Variants in DSC3 observed in about 807,000 individuals in gnomAD.
DSC3 encodes the protein desmocollin 3.
In DSC3, 97 loss-of-function variants were observed where a neutral mutation model predicts 89.5. That is an observed-to-expected ratio of 1.08 (90% CI 0.92 to 1.28). The LOEUF is 1.28. DSC3 is among the 50% of genes most tolerant of loss of function. DSC3 has a pLI of 0.00. For missense variants in DSC3, 1,199 were observed against 1,085.3 expected, an observed-to-expected ratio of 1.10 and a Z score of -1.47; for synonymous variants, 436 against 384.1, an observed-to-expected ratio of 1.14 and a Z score of -1.58.
intron 13 of DSC3, among the ~76,000 whole-genome samples, chr18:31,002,139 C>T (rs1984684766): frequency 2.6e-5 from 4 of 152,152 alleles, no homozygotes; most frequent in African/African-American, 7.2e-5. Context: ...GAAAAACAGA[C>T]TGCTTTCCTA....
intron 1 of DSC3, among the ~76,000 whole-genome samples, chr18:31,038,023 G>C (rs149578409): frequency 1.3e-5 from 2 of 152,086 alleles, no homozygotes; most frequent in Non-Finnish European, 2.9e-5. Flanking sequence ...TTTCTCTGTT[G>C]ATACTATGTT....
intron 7 of DSC3, among the ~76,000 whole-genome samples, chr18:31,020,341 TA>T (rs1227633232): frequency 1.3e-5 from 2 of 152,014 alleles, no homozygotes; most frequent in East Asian, 3.9e-4. Flanking sequence ...CAAAGGACAC[TA>T]AAAAGGAAAG....
chr18:31,024,567 C>T (rs1217169942), intron 5 of DSC3, 74 bp from the exon 6 acceptor site: 1 of 1,498,910 alleles, frequency 6.7e-7, no homozygotes, highest in South Asian at 1.2e-5. Context: ...TTATCTACTA[C>T]CTGCCTTGCA....
chr18:30,992,187 GGGC>G lies in DSC3; in HGVS notation c.*1985_*1987del, dbSNP rs1984285325. 2.7e-5 allele frequency: 3 copies of G among 112,816 alleles called. No homozygotes were observed. Among genetic ancestry groups the G allele is most frequent in the Admixed American group, 8.8e-5 (1 of 11,324 alleles). 7.0% of individuals were successfully genotyped at this position (112,816 alleles called of 1,614,324 possible). The stretch of plus-strand genomic sequence containing the variant: ...TCTCAAAAAAAAAAGGGGGGGGGGG[GGGC>G]AATAAAAAGTCTAAGTCTAAAACAC... On this transcript the variant is annotated 3_prime_UTR_variant, in exon 16 of 16. Coordinates refer to ENST00000360428, the MANE Select transcript of DSC3 (RefSeq NM_001941.5).
chr18:31,008,524 G>A lies in DSC3; in HGVS notation c.1265C>T (p.Pro422Leu). The A allele has an allele frequency of 6.2e-7, 1 of 1,613,876 alleles. No individual in the cohort carries two copies. The highest frequency in any genetic ancestry group is 2.2e-5 in the East Asian group (1 of 44,856). The change falls in exon 10 of 16, where the codon CCA becomes CTA. Residue 422 changes from proline (P) to leucine (L), a missense_variant and splice_region_variant. Transcript: ENST00000360428. ...TTGACGGTTTTCTTCATAATTCAGT[G>A]GCTTTAAAATAAAGTCCATGTATAT... The part of the protein sequence containing the change: ...TNEGVLSVVK[P>L]LNYEENRQVN...
At position 30,997,004 on chromosome 18, in the gene DSC3, G is replaced by A. The variant is rs1478998182; in HGVS notation, c.2280C>T (p.Ser760=). The A allele has an allele frequency of 4.3e-6, 7 of 1,614,112 alleles. No individual in the cohort carries two copies. The highest frequency in any genetic ancestry group is 5.9e-6 in the Non-Finnish European group (7 of 1,180,010). Residue 760 remains serine (S), a synonymous_variant, in exon 15 of 16, where the codon AGC becomes AGT. Coordinates refer to ENST00000360428, the MANE Select transcript of DSC3 (RefSeq NM_001941.5). The part of the protein sequence containing the change: ...GFMTQTTNNS[S]QGFCGTMGSG... ...ATCCCATAGTACCACAAAAACCTTG[G>A]CTAGAGTTGTTGGTAGTTTGGGTCA...
intron 9 of DSC3, among the ~76,000 whole-genome samples, chr18:31,015,421 C>T (rs1030963099): frequency 1.7e-4 from 26 of 151,998 alleles, no homozygotes; most frequent in Admixed American, 9.2e-4. Context: ...GGTCAGAACT[C>T]CTTGGACAAA....
chr18:31,002,056 A>G (rs562410268), intron 13 of DSC3, among the ~76,000 whole-genome samples: 1 of 152,312 alleles, frequency 6.6e-6, no homozygotes, highest in East Asian at 1.9e-4. Context: ...ACTTTGAAAA[A>G]ATTTACTGAT....
At chr18:31,001,330 T>C (rs1485897332) in intron 14 of DSC3, among the ~76,000 whole-genome samples, 1 of 151,672 alleles carries the variant, frequency 6.6e-6, no homozygotes, top group Non-Finnish European at 1.5e-5. Context: ...ATATACATTG[T>C]AGAGTGCAGG....
chr18:31,032,948 A>G (rs1467011209), intron 1 of DSC3, among the ~76,000 whole-genome samples: 1 of 152,164 alleles, frequency 6.6e-6, no homozygotes, highest in African/African-American at 2.4e-5. Flanking sequence ...GGAATCCACT[A>G]AAAAACTGTC....
rs541909666 is a variant in DSC3 at position 31,016,051 on chromosome 18, A to C, written c.1263+2020T>G. On this transcript the variant is annotated intron_variant, in intron 9 of 15. Coordinates refer to ENST00000360428, the MANE Select transcript of DSC3 (RefSeq NM_001941.5). ...AAAAGACATTCCCACCAGCGCCATG[A>C]TGGTTTACAAATGCCACGGTAATGC... Among the ~76,000 whole-genome samples, 24 of 152,286 alleles carry C rather than the reference A, an allele frequency of 1.6e-4. No individual in the cohort carries two copies. In the South Asian group the frequency reaches 4.8e-3, roughly 30 times the overall value.
chr18:31,008,840 T>C (rs1302427303), intron 9 of DSC3, among the ~76,000 whole-genome samples: 2 of 152,178 alleles, frequency 1.3e-5, no homozygotes, highest in Non-Finnish European at 2.9e-5. Flanking sequence ...AGTATTCTTA[T>C]GGTCCTGCTT....
chr18:30,997,742 A>G (rs542505610), intron 14 of DSC3, among the ~76,000 whole-genome samples: 5 of 152,240 alleles, frequency 3.3e-5, no homozygotes, highest in Admixed American at 6.5e-5. Flanking sequence ...AAATGTTACA[A>G]GAGCACAGAA....
At chr18:31,024,292 T>TA in intron 6 of DSC3, 57 bp downstream of exon 6, 2 of 1,483,762 alleles carry the variant, frequency 1.3e-6, no homozygotes, top group Non-Finnish European at 1.8e-6. Context: ...CTATGTCTTT[T>TA]AAAATGTACA....
chr18:31,028,134 T>C (rs1985661483), intron 4 of DSC3, among the ~76,000 whole-genome samples: 1 of 152,078 alleles, frequency 6.6e-6, no homozygotes, highest in Admixed American at 6.6e-5. Context: ...ATGAGATCAC[T>C]GAGAGAGTAA....
chr18:31,006,834 G>T, intron 12 of DSC3, 73 bp downstream of exon 12: 1 of 1,214,260 alleles, frequency 8.2e-7, no homozygotes, highest in Non-Finnish European at 1.2e-6. Context: ...CTTTGTGTAA[G>T]TAAGCAAGTC....
rs1445073463 is a variant in DSC3 at position 30,992,276 on chromosome 18, G to A, written c.*1899C>T. The A allele has an allele frequency of 6.6e-6, 1 of 151,998 alleles. No individual in the cohort carries two copies. The highest frequency in any genetic ancestry group is 1.9e-4 in the East Asian group (1 of 5,174). 9.4% of individuals were successfully genotyped at this position (151,998 alleles called of 1,614,324 possible). A position where few individuals can be genotyped will look rare whatever the true frequency, so the allele number is the denominator to read the frequency against. Reference sequence around the variant, plus strand: ...TAGGAATAAATCAGAATTTTAGATAGGCATTTAATTCATAGACCTTCTTAG... The same window carrying A: ...TAGGAATAAATCAGAATTTTAGATAAGCATTTAATTCATAGACCTTCTTAG... On this transcript the variant is annotated 3_prime_UTR_variant, in exon 16 of 16. Coordinates refer to ENST00000360428, the MANE Select transcript of DSC3 (RefSeq NM_001941.5).
Position 30,991,427 on chromosome 18 carries a change from T to C in DSC3, c.*2748A>G, listed in dbSNP as rs1984237922. The C allele has an allele frequency of 6.6e-6, 1 of 152,492 alleles. No individual in the cohort carries two copies. The allele number at this position is 152,492 out of a possible 1,614,324, so 9.4% of individuals were successfully genotyped here. ...ATGTGAAAATATAGAAATGAATCCC[T>C]AAAATTAAATTTTCATTTGAGAGAA... On this transcript the variant is annotated 3_prime_UTR_variant, in exon 16 of 16. Coordinates refer to ENST00000360428, the MANE Select transcript of DSC3 (RefSeq NM_001941.5).
chr18:31,021,138 T>A (rs1287292924), intron 7 of DSC3, among the ~76,000 whole-genome samples: 1 of 151,950 alleles, frequency 6.6e-6, no homozygotes, highest in Admixed American at 6.6e-5. Context: ...CAAAATCTGG[T>A]AGATTTTTTT....
Sources: allele counts gnomAD v4.1 joint callset (sites outside exome capture counted in the v4.1 genomes callset), GRCh38; gene constraint gnomAD v4.1.1; transcripts MANE v1.5; gene names NCBI Gene and HGNC (gene_info 2026-07-23, HGNC 2026-07-21).